Variants in C9 observed in about 807,000 individuals in gnomAD.
C9 encodes the protein complement C9.
A neutral mutation model predicts 65.4 loss-of-function variants in C9; 63 were observed. The ratio of observed to expected loss-of-function variants is 0.96; its 90% CI spans 0.79 to 1.19. The LOEUF (loss-of-function observed/expected upper bound fraction) is 1.19, where lower values mean the gene tolerates loss of function less well. Ranked by LOEUF, C9 falls within the 50% of genes most tolerant of loss-of-function variation. The pLI, the probability that C9 is intolerant of heterozygous loss-of-function variation, is 0.00. For missense variants in C9, 744 were observed against 670.1 expected, an observed-to-expected ratio of 1.11 and a Z score of -1.22; for synonymous variants, 229 against 227.9, an observed-to-expected ratio of 1.00 and a Z score of -0.04.
chr5:39,289,314 T>C (rs1753048159), intron 9 of C9, among the ~76,000 whole-genome samples: 1 of 151,874 alleles, frequency 6.6e-6, no homozygotes, highest in African/African-American at 2.4e-5. Context: ...TGAATTGTTT[T>C]TGCTGCCTTC....
chr5:39,335,898 G>T (rs958797462), intron 4 of C9, among the ~76,000 whole-genome samples: 2 of 152,060 alleles, frequency 1.3e-5, no homozygotes, highest in Non-Finnish European at 2.9e-5. Context: ...GCTCAGAGAC[G>T]GAAATGGCAT....
intron 5 of C9, among the ~76,000 whole-genome samples, chr5:39,324,293 C>T (rs1753711659): frequency 1.3e-5 from 2 of 151,884 alleles, no homozygotes; most frequent in African/African-American, 4.8e-5. Flanking sequence ...TGTCATTTTC[C>T]ACAGAAATAA....
At chr5:39,336,181 T>A (rs1200889783) in intron 4 of C9, among the ~76,000 whole-genome samples, 1 of 152,124 alleles carries the variant, frequency 6.6e-6, no homozygotes. Flanking sequence ...GTTGGAAATT[T>A]TTTAGTTATT....
In C9 at chr5:39,338,573, A is replaced by C. The variant is rs1260926204; in HGVS notation, c.476+2573T>G. Among the ~76,000 whole-genome samples, 3 of 152,364 alleles carry C rather than the reference A, an allele frequency of 2.0e-5. No individual in the cohort carries two copies. The East Asian group carries it at 5.8e-4, about 29-fold the overall frequency. ...CAAATGAAAGTCGTCATAGAACAAT[A>C]GGTTTCATGAAGACTAAATTTAACA... On this transcript the variant is annotated intron_variant, in intron 4 of 10. Coordinates refer to ENST00000263408, the MANE Select transcript of C9 (RefSeq NM_001737.5).
chr5:39,324,332 C>A (rs1753712257), intron 5 of C9, among the ~76,000 whole-genome samples: 1 of 152,004 alleles, frequency 6.6e-6, no homozygotes, highest in African/African-American at 2.4e-5. Context: ...TTGTATGGAA[C>A]CACAGAAAAT....
intron 4 of C9, among the ~76,000 whole-genome samples, chr5:39,334,155 CT>C (rs1753905881): frequency 6.6e-6 from 1 of 150,608 alleles, no homozygotes; most frequent in Non-Finnish European, 1.5e-5. Context: ...GCCATCCCAC[CT>C]AGGAAGTGAG....
intron 9 of C9, among the ~76,000 whole-genome samples, chr5:39,306,020 C>A (rs1163058572): frequency 6.6e-6 from 1 of 151,664 alleles, no homozygotes; most frequent in African/African-American, 2.4e-5. Context: ...AAAATTAGCT[C>A]GATGTGGTGG....
intron 9 of C9, among the ~76,000 whole-genome samples, chr5:39,306,113 A>T (rs1753370038): frequency 6.8e-6 from 1 of 147,000 alleles, no homozygotes; most frequent in African/African-American, 2.5e-5. Flanking sequence ...CAGTGAGCTG[A>T]GATTGCACCA....
intron 5 of C9, among the ~76,000 whole-genome samples, chr5:39,320,220 A>G (rs189614402): frequency 1.2e-4 from 18 of 152,322 alleles, no homozygotes; most frequent in Non-Finnish European, 2.5e-4. Flanking sequence ...ATCAGCTTAA[A>G]GAAGCTCAGT....
At chr5:39,331,526 G>A (rs1227841825) in intron 5 of C9, 150 bp downstream of exon 5, 2 of 724,158 alleles carry the variant, frequency 2.8e-6, no homozygotes, top group South Asian at 1.5e-5. Context: ...TGTTTCTAAA[G>A]AGATCCAAAC....
At chr5:39,296,372 A>G (rs1753186536) in intron 9 of C9, among the ~76,000 whole-genome samples, 1 of 151,608 alleles carries the variant, frequency 6.6e-6, no homozygotes, top group African/African-American at 2.4e-5. Context: ...CTGAAGAGCC[A>G]TTTTGCAAAA....
chr5:39,333,572 CTCTCCCTCTCCGTCTCCCTCTCCG>C (rs995416928), intron 4 of C9, among the ~76,000 whole-genome samples: 39 of 143,440 alleles, frequency 2.7e-4, no homozygotes, highest in African/African-American at 9.2e-4. Flanking sequence ...CTCCCTCTCC[CTCTCCCTCTCCGTCTCCCTCTCCG>C]TCTCCCTCTC....
chr5:39,329,392 C>G (rs762561766), intron 5 of C9, among the ~76,000 whole-genome samples: 1 of 152,144 alleles, frequency 6.6e-6, no homozygotes, highest in Admixed American at 6.5e-5. Context: ...CCATTTATCT[C>G]CATGAGGTAG....
rs527581262 is a variant in C9 at position 39,343,648 on chromosome 5, T to A, written c.78-1452A>T. Among the ~76,000 whole-genome samples, 3 of 152,328 alleles carry A rather than the reference T, an allele frequency of 2.0e-5. No individual in the cohort carries two copies. The South Asian group carries it at 6.2e-4, about 32-fold the overall frequency. On this transcript the variant is annotated intron_variant, in intron 1 of 10. Transcript: ENST00000263408. Reference sequence around the variant, plus strand: ...GCAGAAACCTCTGCAGACTTAAATGTCCCTGCCTGACAGCTTTGAAGAGAG... The same window carrying A: ...GCAGAAACCTCTGCAGACTTAAATGACCCTGCCTGACAGCTTTGAAGAGAG...
chr5:39,358,844 G>T (rs372755772), intron 1 of C9, among the ~76,000 whole-genome samples: 1 of 151,426 alleles, frequency 6.6e-6, no homozygotes, highest in African/African-American at 2.4e-5. Flanking sequence ...AATTAGCCGG[G>T]CGTGGTGGCG....
At chr5:39,339,276 T>A (rs1422230815) in intron 4 of C9, among the ~76,000 whole-genome samples, 1 of 152,222 alleles carries the variant, frequency 6.6e-6, no homozygotes, top group African/African-American at 2.4e-5. Flanking sequence ...CCAAAGGCAC[T>A]GTAAGTAATT....
chr5:39,307,707 T>C (rs568744169), intron 8 of C9, among the ~76,000 whole-genome samples: 2 of 152,328 alleles, frequency 1.3e-5, no homozygotes, highest in South Asian at 4.1e-4. Flanking sequence ...TTCATGCTTG[T>C]AAATCTGCTA....
intron 5 of C9, among the ~76,000 whole-genome samples, chr5:39,323,666 G>A (rs80288375): frequency 0.03 from 4,471 of 151,134 alleles, 203 homozygotes; most frequent in African/African-American, 0.1. Context: ...TAGAAGGAAT[G>A]TATCTCGACA....
chr5:39,359,030 ATATATATG>A (rs1163305942), intron 1 of C9, among the ~76,000 whole-genome samples: 10 of 114,808 alleles, frequency 8.7e-5, no homozygotes, highest in African/African-American at 2.9e-4. Flanking sequence ...ATATATATAT[ATATATATG>A]TGTGTGTGTG....
Sources: allele counts gnomAD v4.1 joint callset (sites outside exome capture counted in the v4.1 genomes callset), GRCh38; gene constraint gnomAD v4.1.1; transcripts MANE v1.5; gene names NCBI Gene and HGNC (gene_info 2026-07-23, HGNC 2026-07-21).